PSMG2: variants seen among roughly 807,000 people sequenced by gnomAD.
PSMG2 encodes the protein proteasome assembly chaperone 2, also known as CD40 ligand-activated specific transcript 3.
A neutral mutation model predicts 31.5 loss-of-function variants in PSMG2; 21 were observed. The observed-to-expected ratio is 0.67, with a 90% CI of 0.47 to 0.96. The LOEUF (loss-of-function observed/expected upper bound fraction) is 0.96. Ranked by LOEUF, PSMG2 falls within the 40% of genes least tolerant of loss-of-function variation. The pLI, the probability that PSMG2 is intolerant of heterozygous loss-of-function variation, is 0.00. For missense variants in PSMG2, 318 were observed against 321.2 expected (o/e 0.99, Z 0.08); for synonymous variants, 120 against 110.4 (o/e 1.09, Z -0.54).
At chr18:12,693,628 C>T (rs1165167475) in intron 1 of PSMG2, among the ~76,000 whole-genome samples, 2 of 151,928 alleles carry the variant, frequency 1.3e-5, no homozygotes, top group Non-Finnish European at 2.9e-5. Flanking sequence ...ATTAAAAATA[C>T]AAAAATTAGC....
chr18:12,668,597 C>CACAAAA (rs2038855312), intron 1 of PSMG2, among the ~76,000 whole-genome samples: 1 of 72,838 alleles, frequency 1.4e-5, no homozygotes, highest in Non-Finnish European at 2.4e-5. Context: ...GATTCCATCT[C>CACAAAA]AAAAAAAAAA....
At chr18:12,662,392 G>A (rs1005812906) in intron 1 of PSMG2, among the ~76,000 whole-genome samples, 2 of 152,220 alleles carry the variant, frequency 1.3e-5, no homozygotes, top group African/African-American at 4.8e-5. Context: ...AGCAGTAAAT[G>A]AAACAGTTGG....
intron 1 of PSMG2, chr18:12,673,444 C>T (rs1389688569): frequency 1.1e-5 from 17 of 1,594,612 alleles, no homozygotes; most frequent in African/African-American, 1.4e-5. Flanking sequence ...TACTCGGACA[C>T]GAACTGCCAG....
Position 12,725,662 on chromosome 18 carries a change from T to TTAAG in PSMG2, c.*132_*135dup. 1 of 549,448 alleles carries TTAAG rather than the reference T, an allele frequency of 1.8e-6. No homozygotes were observed. The highest frequency in any genetic ancestry group is 3.0e-6 in the Non-Finnish European group (1 of 332,590). 34.0% of individuals were successfully genotyped at this position (549,448 alleles called of 1,614,324 possible). A position where few individuals can be genotyped will look rare whatever the true frequency, so the allele number is the denominator to read the frequency against. On this transcript the variant is annotated 3_prime_UTR_variant, in exon 7 of 7. Coordinates refer to ENST00000317615, the MANE Select transcript of PSMG2 (RefSeq NM_020232.5). ...CACAGTAAATATCAAAGAAAAAAGA[T>TTAAG]TAAGGGTCTCTTTGCCATGCTTTTC...
intron 2 of PSMG2, among the ~76,000 whole-genome samples, chr18:12,711,858 G>A (rs760509129): frequency 7.5e-5 from 11 of 146,858 alleles, no homozygotes; most frequent in Middle Eastern, 3.6e-3. Context: ...GGTTCACGCC[G>A]TTCTCCTGCC....
At chr18:12,698,752 G>A (rs1056849603), upstream of PSMG2, 79 of 538,910 alleles carry the variant, frequency 1.5e-4, no homozygotes, top group Non-Finnish European at 2.4e-4. Flanking sequence ...TATTACTAAA[G>A]AATCAACAAT....
At chr18:12,677,458 C>CAAAAAA (rs71174127) in intron 1 of PSMG2, among the ~76,000 whole-genome samples, 2 of 53,946 alleles carry the variant, frequency 3.7e-5, no homozygotes, top group South Asian at 1.2e-3. Context: ...GATTCCATCT[C>CAAAAAA]AAAAAAAAAA....
At chr18:12,693,868 T>C (rs1489353963) in intron 1 of PSMG2, among the ~76,000 whole-genome samples, 1 of 152,196 alleles carries the variant, frequency 6.6e-6, no homozygotes, top group Non-Finnish European at 1.5e-5. Context: ...GGTCTTAGTC[T>C]GTAACCCAGG....
At chr18:12,687,319 A>G (rs1353275573) in intron 1 of PSMG2, among the ~76,000 whole-genome samples, 1 of 152,136 alleles carries the variant, frequency 6.6e-6, no homozygotes, top group Non-Finnish European at 1.5e-5. Flanking sequence ...ATATAGTCCC[A>G]TACTTTAGCA....
At chr18:12,693,793 CA>C (rs965214404) in intron 1 of PSMG2, among the ~76,000 whole-genome samples, 2 of 151,938 alleles carry the variant, frequency 1.3e-5, no homozygotes, top group African/African-American at 4.8e-5. Context: ...AAAAAACAAA[CA>C]AAAAAACCCC....
intron 1 of PSMG2, among the ~76,000 whole-genome samples, chr18:12,693,688 CAGG>C (rs1397600233): frequency 2.0e-5 from 3 of 152,064 alleles, no homozygotes; most frequent in Non-Finnish European, 4.4e-5. Context: ...GAGACTGAGG[CAGG>C]AGAATTGCTT....
intron 4 of PSMG2, among the ~76,000 whole-genome samples, 167 bp from the exon 5 acceptor site, chr18:12,720,343 C>CTAAG (rs71354705): frequency 0.019 from 2,928 of 152,266 alleles, 46 homozygotes; most frequent in Middle Eastern, 0.041. Flanking sequence ...ATATTGTCTC[C>CTAAG]TAAGTAAGTA....
chr18:12,667,643 C>T (rs2038828858), intron 1 of PSMG2, among the ~76,000 whole-genome samples: 1 of 151,518 alleles, frequency 6.6e-6, no homozygotes, highest in African/African-American at 2.4e-5. Context: ...TGCCTGTACT[C>T]CCAGCTACTC....
intron 1 of PSMG2, among the ~76,000 whole-genome samples, chr18:12,705,759 G>A (rs1042591253): frequency 1.3e-5 from 2 of 152,040 alleles, no homozygotes; most frequent in African/African-American, 2.4e-5. Context: ...ATCTCTGTAC[G>A]GCTGTCTCCT....
chr18:12,716,717 A>G (rs1568043759), intron 3 of PSMG2, among the ~76,000 whole-genome samples: 1 of 151,930 alleles, frequency 6.6e-6, no homozygotes, highest in Admixed American at 6.6e-5. Context: ...CAAAATAGCA[A>G]ACATTTATTG....
upstream of PSMG2, among the ~76,000 whole-genome samples, chr18:12,698,310 G>A (rs968320367): frequency 2.6e-5 from 4 of 151,628 alleles, no homozygotes; most frequent in East Asian, 3.9e-4. Context: ...CTCATTACAC[G>A]CGCCTGCCAC....
At chr18:12,703,873 G>A (rs1024029063) in intron 1 of PSMG2, among the ~76,000 whole-genome samples, 17 of 152,310 alleles carry the variant, frequency 1.1e-4, no homozygotes, top group Admixed American at 3.3e-4. Flanking sequence ...GTTTCAGAAA[G>A]ATGGATGTCT....
intron 1 of PSMG2, chr18:12,658,940 C>T: frequency 1.3e-5 from 3 of 238,590 alleles, no homozygotes; most frequent in South Asian, 8.6e-5. Flanking sequence ...AAGGTAATGT[C>T]TCAAGTACCA....
intron 2 of PSMG2, among the ~76,000 whole-genome samples, chr18:12,708,002 C>T (rs1012680921): frequency 1.3e-5 from 2 of 152,134 alleles, no homozygotes; most frequent in African/African-American, 4.8e-5. Context: ...GAATTCATGA[C>T]CGGGTGCGTT....
Sources: allele counts gnomAD v4.1 joint callset (sites outside exome capture counted in the v4.1 genomes callset), GRCh38; gene constraint gnomAD v4.1.1; transcripts MANE v1.5; gene names NCBI Gene and HGNC (gene_info 2026-07-23, HGNC 2026-07-21).